RBM20: variants seen among roughly 807,000 people sequenced by gnomAD.
The protein encoded by RBM20 is RNA binding motif protein 20, also known as RNA-binding protein 20.
Under a neutral mutation model 110.1 loss-of-function variants are expected in RBM20, and 51 were observed. That is an observed-to-expected ratio of 0.46 (90% CI 0.37 to 0.59). The LOEUF (loss-of-function observed/expected upper bound fraction) is 0.59. RBM20 is among the 20% of genes least tolerant of loss of function. RBM20 has a pLI of 0.00. For missense variants in RBM20, 1,512 were observed against 1,574.9 expected, an observed-to-expected ratio of 0.96 and a Z score of 0.68; for synonymous variants, 589 against 618.2, an observed-to-expected ratio of 0.95 and a Z score of 0.70.
intron 1 of RBM20, among the ~76,000 whole-genome samples, chr10:110,716,410 G>A (rs1474145102): frequency 6.6e-6 from 1 of 152,172 alleles, no homozygotes. Flanking sequence ...TGTAACATCT[G>A]GCCTAATTAA....
chr10:110,767,969 T>A (rs188202617), intron 1 of RBM20, among the ~76,000 whole-genome samples: 2 of 152,360 alleles, frequency 1.3e-5, no homozygotes, highest in Admixed American at 1.3e-4. Flanking sequence ...AGACTCCGTC[T>A]GCAATCCCTG....
intron 2 of RBM20, among the ~76,000 whole-genome samples, chr10:110,782,143 G>A (rs574696379): frequency 2.6e-5 from 4 of 152,352 alleles, no homozygotes; most frequent in East Asian, 3.9e-4. Flanking sequence ...GCTGAGTAGG[G>A]GAGCAAAGGA....
intron 1 of RBM20, among the ~76,000 whole-genome samples, chr10:110,684,259 G>T (rs942137717): frequency 2.6e-5 from 4 of 152,122 alleles, no homozygotes; most frequent in Non-Finnish European, 5.9e-5. Context: ...GCCGGGTGTG[G>T]TGGAGCACAC....
chr10:110,819,120 TC>T (rs1166161878), intron 9 of RBM20, among the ~76,000 whole-genome samples: 1 of 152,216 alleles, frequency 6.6e-6, no homozygotes, highest in East Asian at 1.9e-4. Flanking sequence ...GCCAAGAATG[TC>T]CTAGAACTGC....
intron 13 of RBM20, 140 bp downstream of exon 13, chr10:110,831,322 T>C: frequency 1.2e-6 from 1 of 819,402 alleles, no homozygotes; most frequent in East Asian, 2.8e-5. Flanking sequence ...ACAGGTTACT[T>C]GCCATTCCCC....
At chr10:110,668,941 T>TTG (rs1448649665) in intron 1 of RBM20, among the ~76,000 whole-genome samples, 1 of 152,214 alleles carries the variant, frequency 6.6e-6, no homozygotes, top group Non-Finnish European at 1.5e-5. Context: ...GGCCCTTGCT[T>TTG]TGTTTTGTTT....
chr10:110,800,631 C>T (rs189374539), intron 7 of RBM20, among the ~76,000 whole-genome samples: 56 of 152,318 alleles, frequency 3.7e-4, no homozygotes, highest in African/African-American at 1.1e-3. Flanking sequence ...CAGAAGCTCC[C>T]GTGAGTCCCT....
chr10:110,649,858 G>T (rs1346862157), intron 1 of RBM20, among the ~76,000 whole-genome samples: 2 of 152,208 alleles, frequency 1.3e-5, no homozygotes, highest in Non-Finnish European at 2.9e-5. Context: ...TGGATCTTGA[G>T]AATATGCGTG....
upstream of RBM20, among the ~76,000 whole-genome samples, chr10:110,643,468 G>C: frequency 6.6e-6 from 1 of 152,364 alleles, no homozygotes; most frequent in Non-Finnish European, 1.5e-5. Flanking sequence ...GGCGCACGCG[G>C]GCGCCAGGGT....
At chr10:110,664,501 C>G (rs1319756638) in intron 1 of RBM20, among the ~76,000 whole-genome samples, 3 of 152,128 alleles carry the variant, frequency 2.0e-5, no homozygotes, top group Non-Finnish European at 4.4e-5. Flanking sequence ...AATCCCAGCA[C>G]TTTGGGAGGC....
intron 5 of RBM20, among the ~76,000 whole-genome samples, chr10:110,791,942 C>G (rs1844488832): frequency 6.6e-6 from 1 of 152,208 alleles, no homozygotes; most frequent in Non-Finnish European, 1.5e-5. Context: ...CAGAGCCCAT[C>G]AACACCTTGA....
intron 1 of RBM20, among the ~76,000 whole-genome samples, chr10:110,652,433 T>G (rs1353354352): frequency 2.6e-5 from 4 of 152,246 alleles, no homozygotes. Context: ...ACTTTTACAA[T>G]AAAAGAAAAC....
At chr10:110,676,053 G>A (rs931889257) in intron 1 of RBM20, among the ~76,000 whole-genome samples, 1 of 152,212 alleles carries the variant, frequency 6.6e-6, no homozygotes, top group Non-Finnish European at 1.5e-5. Context: ...CGGATAGTGG[G>A]CGCTGGATTT....
intron 1 of RBM20, among the ~76,000 whole-genome samples, chr10:110,742,073 T>A (rs1590648173): frequency 6.6e-6 from 1 of 152,160 alleles, no homozygotes; most frequent in Non-Finnish European, 1.5e-5. Context: ...TTTTTGTAGA[T>A]TAAATGAACC....
At chr10:110,706,246 T>C (rs914378064) in intron 1 of RBM20, among the ~76,000 whole-genome samples, 3 of 152,250 alleles carry the variant, frequency 2.0e-5, no homozygotes, top group Non-Finnish European at 4.4e-5. Flanking sequence ...TTCATAGCTA[T>C]AGTCATCTTC....
intron 9 of RBM20, among the ~76,000 whole-genome samples, chr10:110,818,222 C>T (rs1474751723): frequency 2.9e-5 from 4 of 135,670 alleles, no homozygotes; most frequent in East Asian, 5.0e-4. Context: ...ACCCAGGAGG[C>T]GGAGATTGCG....
intron 1 of RBM20, among the ~76,000 whole-genome samples, chr10:110,716,676 G>C (rs1381401746): frequency 2.6e-5 from 4 of 152,130 alleles, no homozygotes; most frequent in African/African-American, 9.7e-5. Flanking sequence ...CACTTTGGGA[G>C]ACCGAGGTGG....
At chr10:110,679,501 A>ACC (rs1862390638) in intron 1 of RBM20, among the ~76,000 whole-genome samples, 1 of 152,208 alleles carries the variant, frequency 6.6e-6, no homozygotes, top group African/African-American at 2.4e-5. Context: ...GATTAGAGGC[A>ACC]TGAGCCACCG....
At chr10:110,793,268 AG>A (rs1207195576) in intron 5 of RBM20, among the ~76,000 whole-genome samples, 7 of 152,232 alleles carry the variant, frequency 4.6e-5, no homozygotes, top group African/African-American at 1.4e-4. Context: ...AGCTTTTTAT[AG>A]CTCAAGTCGC....
Sources: gnomAD v4.1 joint callset for allele counts (sites outside exome capture counted in the v4.1 genomes callset) on GRCh38, gnomAD v4.1.1 for gene constraint, MANE v1.5 for transcripts, NCBI Gene and HGNC (gene_info 2026-07-23, HGNC 2026-07-21) for gene names.